Variants in EML1 observed in about 807,000 individuals in gnomAD.
EML1 encodes the protein echinoderm microtubule-associated protein-like 1.
Under a neutral mutation model 110.4 loss-of-function variants are expected in EML1, and 27 were observed. The ratio of observed to expected loss-of-function variants is 0.24; its 90% CI spans 0.18 to 0.34. EML1 has a LOEUF of 0.34. EML1 is among the 10% of genes least tolerant of loss of function. The pLI, the probability that EML1 is intolerant of heterozygous loss-of-function variation, is 1.00. For synonymous variants in EML1, 344 were observed against 385.8 expected (o/e 0.89, Z 1.27); for missense variants, 741 against 1,030.9 (o/e 0.72, Z 3.85).
chr14:99,848,715 C>T (rs749319830), intron 1 of EML1, among the ~76,000 whole-genome samples: 1 of 152,050 alleles, frequency 6.6e-6, no homozygotes, highest in African/African-American at 2.4e-5. Flanking sequence ...CCTGTAATCC[C>T]AGCACTTTGG....
At chr14:99,931,877 T>C (rs748363866) in intron 17 of EML1, among the ~76,000 whole-genome samples, 2 of 152,246 alleles carry the variant, frequency 1.3e-5, no homozygotes, top group African/African-American at 2.4e-5. Flanking sequence ...CTCTGCCGTC[T>C]TGCCGGGCAG....
chr14:99,906,678 G>C (rs1337370391), intron 9 of EML1, among the ~76,000 whole-genome samples: 5 of 152,174 alleles, frequency 3.3e-5, no homozygotes, highest in East Asian at 3.9e-4. Context: ...CAGCCCAGTA[G>C]GTCTCAGCCT....
rs1326188576 is a variant in EML1 at position 99,936,619 on chromosome 14, G to C, written c.2095+285G>C. Among the ~76,000 whole-genome samples the C allele has an allele frequency of 1.3e-5, 2 of 152,200 alleles. No homozygotes were observed. The highest frequency in any genetic ancestry group is 4.8e-5 in the African/African-American group (2 of 41,456). On this transcript the variant is annotated intron_variant, in intron 19 of 21. Transcript: ENST00000262233. The surrounding 1 kb of genome is among the most constrained non-coding windows in gnomAD (Gnocchi z 5.5). ...AGAGGGGGGCTTGGGGCAGGCGGAT[G>C]TGGCAGAAGGGGGCGGGTCCGGGTG...
chr14:99,779,041 G>T (rs368504565), intron 1 of EML1, among the ~76,000 whole-genome samples: 1 of 152,122 alleles, frequency 6.6e-6, no homozygotes, highest in East Asian at 1.9e-4. Context: ...CACTCAGTAG[G>T]CTCTTTCAAT....
chr14:99,859,821 T>C (rs1207547397), intron 2 of EML1, among the ~76,000 whole-genome samples: 1 of 152,214 alleles, frequency 6.6e-6, no homozygotes, highest in Non-Finnish European at 1.5e-5. Flanking sequence ...TTTTATTCTC[T>C]TCACATTATA....
chr14:99,747,897 T>A (rs1455352149), intron 1 of EML1, among the ~76,000 whole-genome samples: 1 of 152,208 alleles, frequency 6.6e-6, no homozygotes, highest in Non-Finnish European at 1.5e-5. Flanking sequence ...TCCTGGACTT[T>A]CTTCCTTTTC....
chr14:99,761,818 G>A (rs1160033307), intron 1 of EML1, among the ~76,000 whole-genome samples: 8 of 151,838 alleles, frequency 5.3e-5, no homozygotes, highest in Non-Finnish European at 8.8e-5. Flanking sequence ...CCAGCTAATC[G>A]GGAGGCTGAG....
intron 1 of EML1, among the ~76,000 whole-genome samples, chr14:99,806,680 T>C: frequency 6.6e-6 from 1 of 151,944 alleles, no homozygotes; most frequent in East Asian, 1.9e-4. Flanking sequence ...ACAAGACCAC[T>C]CTCAAGAAGG....
At chr14:99,937,462 C>T (rs1396429352) in intron 19 of EML1, among the ~76,000 whole-genome samples, 3 of 150,776 alleles carry the variant, frequency 2.0e-5, no homozygotes, top group Admixed American at 6.6e-5. Flanking sequence ...TATAGGGAGG[C>T]GAGGGGGCCT....
In EML1 at chr14:99,868,623, T is replaced by C. The variant is rs373581321; in HGVS notation, c.383+2977T>C. On this transcript the variant is annotated intron_variant, in intron 3 of 21. Coordinates refer to ENST00000262233, the MANE Select transcript of EML1 (RefSeq NM_004434.3). ...TATGCTTGTTCACAGTGGTCTCTTA[T>C]AGTCCTTCTCGTTTTTGTTATATCC... Among the ~76,000 whole-genome samples, 109 of 152,344 alleles carry C rather than the reference T, an allele frequency of 7.2e-4. 1 individual carries two copies. The highest frequency in any genetic ancestry group is 3.4e-3 in the Middle Eastern group (1 of 294).
chr14:99,839,525 A>G (rs2058599894), intron 1 of EML1, among the ~76,000 whole-genome samples: 1 of 152,198 alleles, frequency 6.6e-6, no homozygotes, highest in African/African-American at 2.4e-5. Flanking sequence ...ACACAGTCAC[A>G]TGTTGCCTCT....
chr14:99,798,784 GTGTACTTTACA>G (rs964539036), intron 1 of EML1, among the ~76,000 whole-genome samples: 54 of 151,854 alleles, frequency 3.6e-4, no homozygotes, highest in South Asian at 2.9e-3. Flanking sequence ...TAAAATTCTT[GTGTACTTTACA>G]TGTACTATGG....
intron 17 of EML1, among the ~76,000 whole-genome samples, chr14:99,929,005 G>A (rs918737874): frequency 6.6e-5 from 10 of 152,156 alleles, no homozygotes; most frequent in Non-Finnish European, 1.5e-4. Flanking sequence ...CTGAAGGCAC[G>A]AGGGCCTCAT....
intron 1 of EML1, among the ~76,000 whole-genome samples, chr14:99,849,596 G>A (rs1046418732): frequency 6.6e-6 from 1 of 151,844 alleles, no homozygotes; most frequent in African/African-American, 2.4e-5. Context: ...TGCCCAGGCT[G>A]GAGTGCAGTG....
intron 16 of EML1, 90 bp downstream of exon 16, chr14:99,917,939 G>T (rs1032319496): frequency 7.5e-7 from 1 of 1,332,022 alleles, no homozygotes. Flanking sequence ...CCCCCGTTCA[G>T]CTCTTGGCTA....
intron 1 of EML1, among the ~76,000 whole-genome samples, chr14:99,801,443 G>A (rs532535100): frequency 6.6e-6 from 1 of 152,030 alleles, no homozygotes; most frequent in African/African-American, 2.4e-5. Flanking sequence ...GTGAAACCCC[G>A]TCTCTACTAA....
chr14:99,894,517 C>T (rs985139589), intron 5 of EML1, 112 bp from the exon 6 acceptor site: 19 of 1,241,352 alleles, frequency 1.5e-5, no homozygotes, highest in South Asian at 2.6e-5. Context: ...ATTAGAATGA[C>T]AGAAGGGTAA....
chr14:99,907,841 T>G, intron 10 of EML1, 108 bp downstream of exon 10: 1 of 951,766 alleles, frequency 1.1e-6, no homozygotes, highest in South Asian at 1.5e-5. Flanking sequence ...CCAGCCCTTG[T>G]GTATGACGCC....
intron 20 of EML1, 39 bp downstream of exon 20, chr14:99,937,951 G>A (rs1330773778): frequency 1.3e-6 from 2 of 1,579,946 alleles, no homozygotes; most frequent in Admixed American, 3.3e-5. Flanking sequence ...CAACAAAAGA[G>A]TGTCTCCTTT....
Sources: allele counts gnomAD v4.1 joint callset (sites outside exome capture counted in the v4.1 genomes callset), GRCh38; gene constraint gnomAD v4.1.1; non-coding constraint Gnocchi (gnomAD v3.1); transcripts MANE v1.5; gene names NCBI Gene and HGNC (gene_info 2026-07-23, HGNC 2026-07-21).